The following PLD1 variants were observed in gnomAD, a reference collection of about 807,000 sequenced individuals.
PLD1 encodes phospholipase D1, also known as choline phosphatase 1.
In PLD1, 112 loss-of-function variants were observed where a neutral mutation model predicts 137.1. The observed-to-expected ratio is 0.82, with a 90% CI of 0.70 to 0.96. PLD1 has a LOEUF of 0.96. Among genes scored for constraint, PLD1 ranks in the 40% least tolerant of loss-of-function variants. The pLI, the probability that PLD1 is intolerant of heterozygous loss-of-function variation, is 0.00. For missense variants in PLD1, 1,321 were observed against 1,342.0 expected (o/e 0.98, Z 0.24); for synonymous variants, 431 against 454.7 (o/e 0.95, Z 0.66).
At chr3:171,645,883 CAAAAAA>C (rs1162718346) in intron 21 of PLD1, among the ~76,000 whole-genome samples, 5 of 59,204 alleles carry the variant, frequency 8.4e-5, no homozygotes, top group African/African-American at 2.3e-4. Context: ...GACTCCATCT[CAAAAAA>C]AAAAAAAAAA....
intron 19 of PLD1, among the ~76,000 whole-genome samples, chr3:171,668,843 AATATATCT>A (rs1274266080): frequency 6.6e-6 from 1 of 152,182 alleles, no homozygotes; most frequent in African/African-American, 2.4e-5. Flanking sequence ...CTGTCTTTAT[AATATATCT>A]TAAATGCCAT....
chr3:171,810,086 G>A (rs371475496), intron 1 of PLD1, among the ~76,000 whole-genome samples: 1 of 152,354 alleles, frequency 6.6e-6, no homozygotes, highest in South Asian at 2.1e-4. Context: ...GCGAGGCGGT[G>A]CATCCTGCAG....
At chr3:171,686,416 C>G (rs1382865871) in intron 16 of PLD1, among the ~76,000 whole-genome samples, 1 of 152,202 alleles carries the variant, frequency 6.6e-6, no homozygotes, top group African/African-American at 2.4e-5. Flanking sequence ...CTCCCTCCTT[C>G]CATAGAACTT....
At chr3:171,649,263 C>T (rs1316673195) in intron 21 of PLD1, among the ~76,000 whole-genome samples, 1 of 152,114 alleles carries the variant, frequency 6.6e-6, no homozygotes, top group Admixed American at 6.5e-5. Flanking sequence ...TCTCTTAGCT[C>T]CATAACAAGC....
At chr3:171,782,597 G>A (rs1722836566) in intron 1 of PLD1, among the ~76,000 whole-genome samples, 1 of 152,198 alleles carries the variant, frequency 6.6e-6, no homozygotes, top group Admixed American at 6.5e-5. Flanking sequence ...ACTATTGATT[G>A]TAGAATCTAG....
chr3:171,795,643 T>C (rs1390591903), intron 1 of PLD1, among the ~76,000 whole-genome samples: 1 of 152,186 alleles, frequency 6.6e-6, no homozygotes, highest in Non-Finnish European at 1.5e-5. Context: ...CCACCTGCCA[T>C]TCCTGCTTAA....
chr3:171,603,449 G>C, intron 26 of PLD1, 147 bp from the exon 27 acceptor site: 2 of 622,440 alleles, frequency 3.2e-6, no homozygotes, highest in Non-Finnish European at 5.6e-6. Context: ...TGATTTAAGA[G>C]TTGGTTATCT....
chr3:171,687,648 T>C, intron 14 of PLD1, 64 bp from the exon 15 acceptor site: 2 of 1,011,386 alleles, frequency 2.0e-6, no homozygotes, highest in Non-Finnish European at 3.0e-6. Flanking sequence ...GGTTCTTTAA[T>C]TCAAGTAGAG....
At chr3:171,783,766 C>T (rs28690143) in intron 1 of PLD1, among the ~76,000 whole-genome samples, 14,067 of 151,994 alleles carry the variant, frequency 0.093, 799 homozygotes, top group Middle Eastern at 0.2. Flanking sequence ...CCTCATCCTC[C>T]CGAGTAGCTG....
At chr3:171,704,470 A>AC (rs1235475276) in intron 11 of PLD1, among the ~76,000 whole-genome samples, 18 of 138,166 alleles carry the variant, frequency 1.3e-4, no homozygotes, top group Non-Finnish European at 2.4e-4. Flanking sequence ...AAAAAAAAAA[A>AC]AAAAAAACCT....
chr3:171,635,965 C>CTTTTTTT lies in PLD1; in HGVS notation c.2593+6868_2593+6874dup, dbSNP rs71178231. Among the ~76,000 whole-genome samples the CTTTTTTT allele has an allele frequency of 3.4e-3, 166 of 49,268 alleles. 8 individuals are homozygous for CTTTTTTT. The highest frequency in any genetic ancestry group is 4.5e-3 in the Non-Finnish European group (102 of 22,584). The allele number at this position is 49,268 out of a possible 152,430, so 32.3% of individuals were successfully genotyped here. On this transcript the variant is annotated intron_variant, in intron 23 of 26. Transcript: ENST00000351298. ...ATGGTATGAGGTAGGGGTTCAACTT[C>CTTTTTTT]TTTTTTTTTTTTTTTTTTTTTTTTT...
At chr3:171,614,695 T>C (rs929779139) in intron 24 of PLD1, among the ~76,000 whole-genome samples, 15 of 152,348 alleles carry the variant, frequency 9.8e-5, no homozygotes, top group African/African-American at 3.4e-4. Context: ...ATTGCTACTT[T>C]AGGACTTTTA....
intron 21 of PLD1, among the ~76,000 whole-genome samples, chr3:171,646,675 CAA>C (rs77696811): frequency 1.7e-4 from 15 of 89,498 alleles, no homozygotes; most frequent in Admixed American, 4.0e-4. Context: ...AAAGAACAGA[CAA>C]AAAAAAAAAA....
intron 24 of PLD1, among the ~76,000 whole-genome samples, chr3:171,618,558 T>C (rs1333920387): frequency 6.6e-6 from 1 of 152,240 alleles, no homozygotes; most frequent in Non-Finnish European, 1.5e-5. Context: ...TGAGATTTGC[T>C]TTTGAAGAGC....
At chr3:171,608,178 G>A (rs1732359550) in intron 25 of PLD1, among the ~76,000 whole-genome samples, 1 of 152,106 alleles carries the variant, frequency 6.6e-6, no homozygotes, top group Non-Finnish European at 1.5e-5. Flanking sequence ...AACAAAGTTA[G>A]CATAAGATCA....
rs181011538 is a variant in PLD1 at position 171,763,343 on chromosome 3, A to G, written c.-31-25261T>C. Among the ~76,000 whole-genome samples the G allele has an allele frequency of 5.4e-4, 81 of 151,154 alleles. 1 individual carries two copies. Among genetic ancestry groups the G allele is most frequent in the Admixed American group, 1.8e-3 (27 of 15,190 alleles). ...AGGCTGAGGTAGGAGGATTAGCTTG[A>G]GCCCAGGAGGTCAAGGCTGCGGTGA... On this transcript the variant is annotated intron_variant, in intron 1 of 26. Coordinates refer to ENST00000351298, the MANE Select transcript of PLD1 (RefSeq NM_002662.5).
chr3:171,606,454 T>C (rs971817985), intron 25 of PLD1, among the ~76,000 whole-genome samples: 4 of 152,134 alleles, frequency 2.6e-5, no homozygotes, highest in African/African-American at 9.7e-5. Flanking sequence ...GCTCATAGGC[T>C]GAATGTTTTT....
At chr3:171,735,107 C>T (rs547645574) in intron 4 of PLD1, 137 bp from the exon 5 acceptor site, 108 of 602,656 alleles carry the variant, frequency 1.8e-4, no homozygotes, top group Non-Finnish European at 2.8e-4. Flanking sequence ...ACTAGTTAGC[C>T]GATATTGTGA....
chr3:171,669,255 AAAG>A (rs1179343912), intron 19 of PLD1, among the ~76,000 whole-genome samples: 2 of 152,236 alleles, frequency 1.3e-5, no homozygotes, highest in African/African-American at 2.4e-5. Flanking sequence ...TCTCCAGAAG[AAAG>A]AATAACTTGA....
Sources: allele counts gnomAD v4.1 joint callset (sites outside exome capture counted in the v4.1 genomes callset), GRCh38; gene constraint gnomAD v4.1.1; transcripts MANE v1.5; gene names NCBI Gene and HGNC (gene_info 2026-07-23, HGNC 2026-07-21).